Variants in ADGRL2 observed in about 807,000 individuals in gnomAD.
ADGRL2 encodes the protein adhesion G protein-coupled receptor L2, also known as calcium-independent alpha-latrotoxin receptor 2.
ADGRL2 carries 44 observed loss-of-function variants against 157.4 expected under a neutral mutation model. That is an observed-to-expected ratio of 0.28 (90% CI 0.22 to 0.36). The LOEUF is 0.36. Ranked by LOEUF, ADGRL2 falls within the 10% of genes least tolerant of loss-of-function variation. The pLI is 1.00. For synonymous variants in ADGRL2, 585 were observed against 624.7 expected (o/e 0.94, Z 0.95); for missense variants, 1,510 against 1,768.9 (o/e 0.85, Z 2.63).
intron 1 of ADGRL2, among the ~76,000 whole-genome samples, chr1:81,342,386 ATTTTCTGTGCATT>A (rs998018185): frequency 6.6e-6 from 1 of 152,090 alleles, no homozygotes; most frequent in Non-Finnish European, 1.5e-5. Flanking sequence ...ACCTTTGACA[ATTTTCTGTGCATT>A]TTTTATGATC....
chr1:81,750,101 G>T (rs1265258741), intron 1 of ADGRL2, among the ~76,000 whole-genome samples: 1 of 152,180 alleles, frequency 6.6e-6, no homozygotes, highest in Non-Finnish European at 1.5e-5. Flanking sequence ...AATAGCATTA[G>T]AATCTACATA....
At chr1:81,978,075 AT>A (rs1660677604) in intron 17 of ADGRL2, among the ~76,000 whole-genome samples, 1 of 151,420 alleles carries the variant, frequency 6.6e-6, no homozygotes, top group South Asian at 2.1e-4. Context: ...GTTGCATAAA[AT>A]TAAAAAAAAA....
rs554661995 is a variant in ADGRL2 at position 81,377,239 on chromosome 1, AC to A, written c.-301-67796del. 6.3e-3 allele frequency among the ~76,000 whole-genome samples: 940 copies of A among 150,368 alleles called. 7 individuals are homozygous for A. The highest frequency in any genetic ancestry group is 0.019 in the African/African-American group (787 of 41,076). On this transcript the variant is annotated intron_variant, in intron 1 of 24. Coordinates refer to the ADGRL2 transcript ENST00000370721. Reference sequence around the variant, plus strand: ...AACAAATAGCATTTCTAGTAAAAAAACATCAATCATCAGCAAGTATATGAAA... The same window carrying A: ...AACAAATAGCATTTCTAGTAAAAAAAATCAATCATCAGCAAGTATATGAAA...
intron 2 of ADGRL2, among the ~76,000 whole-genome samples, chr1:81,452,371 T>G (rs1422077256): frequency 1.3e-5 from 2 of 152,166 alleles, no homozygotes; most frequent in Non-Finnish European, 2.9e-5. Flanking sequence ...AATTAAAATG[T>G]GACTCTCATG....
chr1:81,462,763 G>A (rs1407370187), intron 2 of ADGRL2, among the ~76,000 whole-genome samples: 1 of 151,932 alleles, frequency 6.6e-6, no homozygotes, highest in Non-Finnish European at 1.5e-5. Context: ...TTTAAATTGG[G>A]TCATTATATT....
intron 1 of ADGRL2, among the ~76,000 whole-genome samples, chr1:81,322,699 C>G (rs916097869): frequency 6.6e-6 from 1 of 152,036 alleles, no homozygotes; most frequent in East Asian, 1.9e-4. Context: ...TTGAAAAACA[C>G]GGTATATCAA....
At chr1:81,308,915 T>C (rs1659536609) in intron 1 of ADGRL2, among the ~76,000 whole-genome samples, 1 of 152,158 alleles carries the variant, frequency 6.6e-6, no homozygotes, top group Non-Finnish European at 1.5e-5. Context: ...TTTTACTCCA[T>C]TTTAGTGTGC....
chr1:81,693,176 T>A (rs1480623369), intron 3 of ADGRL2, among the ~76,000 whole-genome samples: 1 of 152,138 alleles, frequency 6.6e-6, no homozygotes, highest in Admixed American at 6.5e-5. Flanking sequence ...CTTCTCACAA[T>A]TGCCCAAGAG....
At chr1:81,439,478 G>A (rs559143123) in intron 1 of ADGRL2, among the ~76,000 whole-genome samples, 12 of 152,262 alleles carry the variant, frequency 7.9e-5, no homozygotes, top group East Asian at 3.9e-4. Context: ...CTGGACTCGC[G>A]GCAGGGTTAC....
rs568043731 is a variant in ADGRL2, at chr1:81,483,096, A to G, written c.-248+38007A>G. Among the ~76,000 whole-genome samples, 6 of 152,270 alleles carry G rather than the reference A, an allele frequency of 3.9e-5. No homozygotes were observed. In the East Asian group the frequency reaches 1.2e-3, roughly 29 times the overall value. ...GAAAGAATAGTCACCCTCAGAACCC[A>G]GACTCACCAATAGAAGAACTCTTCA... On this transcript the variant is annotated intron_variant, in intron 2 of 24. Transcript: ENST00000370721.
intron 1 of ADGRL2, among the ~76,000 whole-genome samples, chr1:81,385,449 G>T (rs2076418658): frequency 6.6e-6 from 1 of 152,010 alleles, no homozygotes; most frequent in Admixed American, 6.6e-5. Flanking sequence ...ACAATTTCTG[G>T]TTACTGTCAA....
intron 1 of ADGRL2, among the ~76,000 whole-genome samples, chr1:81,358,306 T>C (rs932812935): frequency 6.6e-6 from 1 of 152,100 alleles, no homozygotes; most frequent in Admixed American, 6.5e-5. Flanking sequence ...TAAGGTGCAG[T>C]GAAGGAAAGT....
chr1:81,909,879 G>A lies in ADGRL2; in HGVS notation c.287+2649G>A, dbSNP rs529065719. The stretch of plus-strand genomic sequence containing the variant: ...TAAAATTTGACATAATTGTTTGATT[G>A]TTGGAGGTACTGTAGTTTGTATTAA... On this transcript the variant is annotated intron_variant, in intron 3 of 23. Coordinates refer to ENST00000686636, the MANE Select transcript of ADGRL2 (RefSeq NM_001366006.2). Among the ~76,000 whole-genome samples the A allele has an allele frequency of 1.5e-4, 23 of 152,192 alleles. 1 individual carries two copies. In the South Asian group the frequency reaches 4.8e-3, roughly 32 times the overall value.
At chr1:81,912,096 G>A (rs2094740413) in intron 3 of ADGRL2, among the ~76,000 whole-genome samples, 1 of 150,694 alleles carries the variant, frequency 6.6e-6, no homozygotes, top group Non-Finnish European at 1.5e-5. Flanking sequence ...TTTTGAGATA[G>A]GGTCTCACTC....
intron 2 of ADGRL2, among the ~76,000 whole-genome samples, chr1:81,880,156 G>A (rs2093950177): frequency 6.6e-6 from 1 of 152,198 alleles, no homozygotes; most frequent in Admixed American, 6.5e-5. Context: ...GTCCTACTGT[G>A]TTGCCTTTTT....
chr1:81,903,987 A>G (rs575642907), intron 2 of ADGRL2, among the ~76,000 whole-genome samples: 1 of 151,822 alleles, frequency 6.6e-6, no homozygotes, highest in Admixed American at 6.6e-5. Flanking sequence ...ATGGCATATA[A>G]TTTTCATTGA....
At chr1:81,802,000 T>TGGCTGCTC (rs1429781564) in intron 1 of ADGRL2, among the ~76,000 whole-genome samples, 1 of 151,410 alleles carries the variant, frequency 6.6e-6, no homozygotes, top group Non-Finnish European at 1.5e-5. Context: ...CGCCCGGCGC[T>TGGCTGCTC]GGCTGCTCGG....
At chr1:81,790,130 G>T (rs150242714) in intron 2 of ADGRL2, among the ~76,000 whole-genome samples, 6 of 152,272 alleles carry the variant, frequency 3.9e-5, no homozygotes, top group Admixed American at 1.3e-4. Context: ...GGACAGGAAA[G>T]GTATAAGGGA....
intron 1 of ADGRL2, among the ~76,000 whole-genome samples, chr1:81,390,471 T>C (rs1412913986): frequency 6.6e-6 from 1 of 152,308 alleles, no homozygotes; most frequent in Non-Finnish European, 1.5e-5. Flanking sequence ...GTAATACATG[T>C]ATAGATATGC....
Sources: gnomAD v4.1 joint callset for allele counts (sites outside exome capture counted in the v4.1 genomes callset) on GRCh38, gnomAD v4.1.1 for gene constraint, MANE v1.5 for transcripts, NCBI Gene and HGNC (gene_info 2026-07-23, HGNC 2026-07-21) for gene names.